The following LYPD6B variants were observed in gnomAD, a reference collection of about 807,000 sequenced individuals.
LYPD6B encodes ly6/PLAUR domain-containing protein 6B.
In LYPD6B, 17 loss-of-function variants were observed where a neutral mutation model predicts 22.8. The observed-to-expected ratio is 0.75, with a 90% CI of 0.51 to 1.12. LYPD6B has a LOEUF of 1.12. LYPD6B is among the 50% of genes most tolerant of loss of function. The probability of loss-of-function intolerance (pLI) is 0.00; values close to 1 mark genes in which losing one functional copy is unlikely to be tolerated. For synonymous variants in LYPD6B, 106 were observed against 91.6 expected, an observed-to-expected ratio of 1.16 and a Z score of -0.90; for missense variants, 221 against 258.3, an observed-to-expected ratio of 0.86 and a Z score of 0.99.
intron 2 of LYPD6B, among the ~76,000 whole-genome samples, chr2:149,154,735 A>C (rs886161223): frequency 5.9e-5 from 9 of 152,124 alleles, no homozygotes; most frequent in African/African-American, 7.2e-5. Flanking sequence ...AAAATGAGAC[A>C]GGTACAGTAG....
chr2:149,100,880 C>T (rs567890681), intron 1 of LYPD6B, among the ~76,000 whole-genome samples: 1 of 152,310 alleles, frequency 6.6e-6, no homozygotes, highest in East Asian at 1.9e-4. Flanking sequence ...TAAAAATCTG[C>T]TTCCTGTCTG....
At chr2:149,101,061 G>T (rs1269665601) in intron 1 of LYPD6B, 1 of 152,190 alleles carries the variant, frequency 6.6e-6, no homozygotes, top group African/African-American at 2.4e-5. Context: ...TGTCAGTTCT[G>T]CTGCTTTCAA....
At chr2:149,148,564 C>A (rs1234717348) in intron 2 of LYPD6B, among the ~76,000 whole-genome samples, 3 of 152,234 alleles carry the variant, frequency 2.0e-5, no homozygotes, top group Admixed American at 2.0e-4. Flanking sequence ...CAGGCTCATA[C>A]ATTTTTGGCC....
At chr2:149,198,955 G>A (rs1346751555) in intron 3 of LYPD6B, among the ~76,000 whole-genome samples, 1 of 152,182 alleles carries the variant, frequency 6.6e-6, no homozygotes, top group African/African-American at 2.4e-5. Context: ...TCCCTTGGTT[G>A]CAATAGAGAG....
At chr2:149,154,461 C>T (rs1575076382) in intron 2 of LYPD6B, among the ~76,000 whole-genome samples, 1 of 141,268 alleles carries the variant, frequency 7.1e-6, no homozygotes, top group African/African-American at 2.6e-5. Flanking sequence ...ATGTGAGAAT[C>T]GATTTATGTT....
At position 149,183,926 on chromosome 2, in the gene LYPD6B, C is replaced by T. The variant is rs905795299; in HGVS notation, c.78-21327C>T. ...AACTTTATTTGGCCAGGCGCAGTGGCTCATGCCTGTAATTGCAGCACTTTG... is the reference window on the plus strand; with the variant it reads ...AACTTTATTTGGCCAGGCGCAGTGGTTCATGCCTGTAATTGCAGCACTTTG... On this transcript the variant is annotated intron_variant, in intron 3 of 6. Transcript: ENST00000409642. Among the ~76,000 whole-genome samples, 10 of 152,062 alleles carry T rather than the reference C, an allele frequency of 6.6e-5. No homozygotes were observed. The East Asian group carries it at 1.9e-3, about 29-fold the overall frequency.
intron 3 of LYPD6B, among the ~76,000 whole-genome samples, chr2:149,197,822 A>G (rs1692909435): frequency 1.3e-5 from 2 of 152,136 alleles, no homozygotes; most frequent in African/African-American, 4.8e-5. Flanking sequence ...TAAGAGCTTT[A>G]ATGCATACAT....
chr2:149,183,204 T>A (rs969491677), intron 3 of LYPD6B, among the ~76,000 whole-genome samples: 1 of 152,188 alleles, frequency 6.6e-6, no homozygotes, highest in Non-Finnish European at 1.5e-5. Context: ...GTAAACTTTG[T>A]TGGAAGGGTG....
At chr2:149,211,067 A>G (rs1693822674) in intron 5 of LYPD6B, among the ~76,000 whole-genome samples, 1 of 152,204 alleles carries the variant, frequency 6.6e-6, no homozygotes, top group Non-Finnish European at 1.5e-5. Context: ...GGAATGAGGC[A>G]TCTCACATGG....
chr2:149,041,482 G>C (rs1683086139), intron 1 of LYPD6B, among the ~76,000 whole-genome samples: 2 of 152,216 alleles, frequency 1.3e-5, no homozygotes, highest in East Asian at 3.8e-4. Context: ...AAGGAGAAGA[G>C]GGGCCCATGA....
At chr2:149,155,732 C>G (rs1689659012) in intron 2 of LYPD6B, among the ~76,000 whole-genome samples, 1 of 152,180 alleles carries the variant, frequency 6.6e-6, no homozygotes, top group South Asian at 2.1e-4. Flanking sequence ...ACACTGCAAT[C>G]CCCTTTGAGC....
In LYPD6B at chr2:149,126,714, A is replaced by G. The variant is rs576749423; in HGVS notation, c.-66-4169A>G. On this transcript the variant is annotated intron_variant, in intron 1 of 6. Coordinates refer to ENST00000409642, the MANE Select transcript of LYPD6B (RefSeq NM_177964.5). ...GCTTTTGATTTCTTCTGCCTGGGAT[A>G]TAGGGTGTCTCTGCATCTTTGGATT... is the stretch of plus-strand genomic sequence containing the variant. Among the ~76,000 whole-genome samples, 3 of 152,276 alleles carry G rather than the reference A, an allele frequency of 2.0e-5. No homozygotes were observed. In the East Asian group the frequency reaches 5.8e-4, roughly 29 times the overall value.
intron 3 of LYPD6B, among the ~76,000 whole-genome samples, chr2:149,179,693 C>T (rs1029755767): frequency 6.6e-5 from 10 of 152,228 alleles, no homozygotes; most frequent in Non-Finnish European, 8.8e-5. Flanking sequence ...ATGTCACTGC[C>T]AGCAAAGTCA....
At chr2:149,041,268 G>A (rs182370495) in intron 1 of LYPD6B, among the ~76,000 whole-genome samples, 1 of 152,270 alleles carries the variant, frequency 6.6e-6, no homozygotes, top group East Asian at 1.9e-4. Context: ...ACAGCTCTTT[G>A]GTGGCTTCTA....
chr2:149,041,950 T>C (rs1574859743), intron 1 of LYPD6B, among the ~76,000 whole-genome samples: 1 of 152,140 alleles, frequency 6.6e-6, no homozygotes, highest in Admixed American at 6.5e-5. Context: ...TGGATTGGGG[T>C]GGAGGAGTTT....
chr2:149,198,852 A>AT (rs1374414398), intron 3 of LYPD6B, among the ~76,000 whole-genome samples: 4 of 152,228 alleles, frequency 2.6e-5, no homozygotes, highest in Admixed American at 2.6e-4. Flanking sequence ...ATGACTCTTT[A>AT]TGGAATAACT....
intron 3 of LYPD6B, among the ~76,000 whole-genome samples, chr2:149,195,378 A>G (rs1279201364): frequency 1.7e-4 from 26 of 152,230 alleles, no homozygotes; most frequent in Admixed American, 1.7e-3. Context: ...AGTATGACAC[A>G]CACTTGAGGC....
chr2:149,183,934 T>A (rs1691923761), intron 3 of LYPD6B, among the ~76,000 whole-genome samples: 1 of 152,256 alleles, frequency 6.6e-6, no homozygotes, highest in East Asian at 1.9e-4. Flanking sequence ...GGCTCATGCC[T>A]GTAATTGCAG....
In LYPD6B at chr2:149,160,783, A is replaced by G; in HGVS notation, c.25A>G (p.Asn9Asp). The G allele has an allele frequency of 6.4e-7, 1 of 1,556,206 alleles. No individual in the cohort carries two copies. The highest frequency in any genetic ancestry group is 1.7e-4 in the Middle Eastern group (1 of 5,982). Residue 9 changes from asparagine to aspartate, a missense_variant, in exon 3 of 7, where the codon AAC (asparagine) becomes GAC (aspartate). Asn to Asp is a conservative substitution (Grantham distance 23, BLOSUM62 1). Coordinates refer to ENST00000409642, the MANE Select transcript of LYPD6B (RefSeq NM_177964.5). ...TGGTAGGCTGATTACTCTGAGTGCA[A>G]ACCTTTTCACTGTTCCAGAGAGGAG... The part of the protein sequence containing the change: MLLITLSA[N>D]LFTVPERSLT...
Sources: gnomAD v4.1 joint callset for allele counts (sites outside exome capture counted in the v4.1 genomes callset) on GRCh38, gnomAD v4.1.1 for gene constraint, MANE v1.5 for transcripts, NCBI Gene and HGNC (gene_info 2026-07-23, HGNC 2026-07-21) for gene names.